MARCHF1: variants seen among roughly 807,000 people sequenced by gnomAD.
MARCHF1 encodes the protein E3 ubiquitin-protein ligase MARCHF1.
In MARCHF1, 40 loss-of-function variants were observed where a neutral mutation model predicts 54.2. The ratio of observed to expected loss-of-function variants is 0.74; its 90% CI spans 0.57 to 0.96. The LOEUF (loss-of-function observed/expected upper bound fraction) is 0.96, where lower values mean the gene tolerates loss of function less well. MARCHF1 is among the 40% of genes least tolerant of loss of function. The pLI, the probability that MARCHF1 is intolerant of heterozygous loss-of-function variation, is 0.00. For synonymous variants in MARCHF1, 236 were observed against 236.3 expected, an observed-to-expected ratio of 1.00 and a Z score of 0.01; for missense variants, 586 against 656.5, an observed-to-expected ratio of 0.89 and a Z score of 1.17.
At chr4:163,830,342 A>G (rs1395849067) in intron 4 of MARCHF1, among the ~76,000 whole-genome samples, 2 of 151,662 alleles carry the variant, frequency 1.3e-5, no homozygotes, top group Non-Finnish European at 2.9e-5. Flanking sequence ...TTAAAGATAT[A>G]TGCACGTATC....
At chr4:163,750,839 T>C (rs1442792715) in intron 4 of MARCHF1, among the ~76,000 whole-genome samples, 1 of 152,188 alleles carries the variant, frequency 6.6e-6, no homozygotes, top group Admixed American at 6.5e-5. Flanking sequence ...TTGACCATTC[T>C]GTATTTCTCT....
At chr4:164,201,038 A>G (rs1268694897) in intron 1 of MARCHF1, among the ~76,000 whole-genome samples, 1 of 152,206 alleles carries the variant, frequency 6.6e-6, no homozygotes, top group Non-Finnish European at 1.5e-5. Flanking sequence ...GCCTAAAAAG[A>G]GTGAGCTAGG....
intron 2 of MARCHF1, among the ~76,000 whole-genome samples, chr4:164,061,804 GC>G (rs201804209): frequency 0.012 from 1,893 of 152,148 alleles, 39 homozygotes; most frequent in African/African-American, 0.044. Context: ...GATTATCTAA[GC>G]CTTCAGTGAG....
intron 1 of MARCHF1, among the ~76,000 whole-genome samples, chr4:164,142,912 T>A (rs558008764): frequency 6.6e-6 from 1 of 152,000 alleles, no homozygotes; most frequent in Admixed American, 6.5e-5. Context: ...GCAAAGAAAT[T>A]GAAAACTTTG....
intron 8 of MARCHF1, 107 bp from the exon 9 acceptor site, chr4:163,545,850 C>T (rs1738882660): frequency 1.1e-6 from 1 of 913,142 alleles, no homozygotes; most frequent in Non-Finnish European, 1.7e-6. Context: ...CAGTAAATAT[C>T]TGCAATTTCA....
intron 1 of MARCHF1, among the ~76,000 whole-genome samples, chr4:164,157,521 GAAC>G (rs1024481851): frequency 1.6e-4 from 25 of 152,230 alleles, no homozygotes; most frequent in African/African-American, 5.5e-4. Flanking sequence ...GAGTAGATTA[GAAC>G]AACAGAAACA....
At chr4:163,932,218 T>C (rs1028759682) in intron 3 of MARCHF1, among the ~76,000 whole-genome samples, 2 of 152,216 alleles carry the variant, frequency 1.3e-5, no homozygotes, top group African/African-American at 4.8e-5. Context: ...TGACTGACCA[T>C]GATGGTGTTT....
intron 1 of MARCHF1, among the ~76,000 whole-genome samples, chr4:164,355,905 T>A (rs377743546): frequency 2.0e-4 from 25 of 122,206 alleles, no homozygotes; most frequent in Admixed American, 1.5e-3. Flanking sequence ...CAATGAACTC[T>A]AACAAATTTA....
intron 3 of MARCHF1, among the ~76,000 whole-genome samples, chr4:163,878,093 G>A (rs1448158294): frequency 1.3e-5 from 2 of 152,132 alleles, no homozygotes; most frequent in Non-Finnish European, 2.9e-5. Flanking sequence ...GAAGCCCTCT[G>A]CTCCCTTGAC....
chr4:163,992,484 T>G (rs1055017514), intron 2 of MARCHF1, among the ~76,000 whole-genome samples: 1 of 152,000 alleles, frequency 6.6e-6, no homozygotes, highest in Admixed American at 6.6e-5. Context: ...AAAGAAAGTC[T>G]TAAGGACGAA....
chr4:164,081,565 G>C (rs996965638), intron 2 of MARCHF1, among the ~76,000 whole-genome samples: 1 of 152,036 alleles, frequency 6.6e-6, no homozygotes, highest in African/African-American at 2.4e-5. Context: ...TAAGCCCTAT[G>C]AGTGCTCCTC....
At chr4:164,314,146 G>C (rs1167609644) in intron 1 of MARCHF1, among the ~76,000 whole-genome samples, 1 of 152,186 alleles carries the variant, frequency 6.6e-6, no homozygotes, top group Non-Finnish European at 1.5e-5. Flanking sequence ...TCTCTGCTTT[G>C]TGTCAGAATG....
intron 3 of MARCHF1, among the ~76,000 whole-genome samples, chr4:163,894,591 TATATGC>T (rs1750738039): frequency 2.8e-5 from 4 of 143,320 alleles, no homozygotes; most frequent in African/African-American, 1.0e-4. Context: ...TGCATATATA[TATATGC>T]ATGTGATGCA....
chr4:164,288,776 T>A (rs1734212896), intron 1 of MARCHF1, among the ~76,000 whole-genome samples: 1 of 152,034 alleles, frequency 6.6e-6, no homozygotes, highest in Non-Finnish European at 1.5e-5. Flanking sequence ...TGAGTGGGAG[T>A]CCTTTTGAAA....
intron 9 of MARCHF1, among the ~76,000 whole-genome samples, chr4:163,541,325 C>CT (rs1203678416): frequency 1.3e-5 from 2 of 152,254 alleles, no homozygotes; most frequent in Admixed American, 6.5e-5. Flanking sequence ...ACTTTACTAT[C>CT]TACACCTACA....
At chr4:163,688,526 T>C (rs1744341776) in intron 5 of MARCHF1, among the ~76,000 whole-genome samples, 2 of 152,332 alleles carry the variant, frequency 1.3e-5, no homozygotes, top group Non-Finnish European at 2.9e-5. Context: ...ATAAAATTAT[T>C]TCTTAAAATA....
At chr4:164,188,605 C>A in intron 1 of MARCHF1, 2 of 876,820 alleles carry the variant, frequency 2.3e-6, no homozygotes, top group Non-Finnish European at 3.9e-6. Flanking sequence ...AATATCTGAT[C>A]GGCGATGCCG....
Position 164,266,435 on chromosome 4 carries a change from A to C in MARCHF1, c.-323+117435T>G, listed in dbSNP as rs191499853. Among the ~76,000 whole-genome samples the C allele has an allele frequency of 2.4e-3, 365 of 152,318 alleles. 3 individuals carry two copies. The highest frequency in any genetic ancestry group is 8.7e-3 in the African/African-American group (363 of 41,574). On this transcript the variant is annotated intron_variant, in intron 1 of 9. Transcript: ENST00000514618. ...TAGAAACCAATTACATTTTCAACTT[A>C]AAAATAGTAATACTTATTGTAGACT...
At chr4:164,327,956 T>C (rs1454726707) in intron 1 of MARCHF1, among the ~76,000 whole-genome samples, 1 of 152,162 alleles carries the variant, frequency 6.6e-6, no homozygotes, top group Non-Finnish European at 1.5e-5. Flanking sequence ...ATTTTTAGTA[T>C]GCAGCTAGGC....
Sources: gnomAD v4.1 joint callset for allele counts (sites outside exome capture counted in the v4.1 genomes callset) on GRCh38, gnomAD v4.1.1 for gene constraint, MANE v1.5 for transcripts, NCBI Gene and HGNC (gene_info 2026-07-23, HGNC 2026-07-21) for gene names.